FHAD1: variants seen among roughly 807,000 people sequenced by gnomAD.
FHAD1 encodes the protein forkhead-associated domain-containing protein 1.
In FHAD1, 146 loss-of-function variants were observed where a neutral mutation model predicts 191.3. That is an observed-to-expected ratio of 0.76 (90% CI 0.67 to 0.88). The LOEUF is 0.88. Among genes scored for constraint, FHAD1 ranks in the 40% least tolerant of loss-of-function variants. FHAD1 has a pLI of 0.00. For synonymous variants in FHAD1, 616 were observed against 672.3 expected (o/e 0.92, Z 1.29); for missense variants, 1,635 against 1,785.8 (o/e 0.92, Z 1.52).
At chr1:15,383,580 G>A (rs993261841) in intron 31 of FHAD1, 4 of 319,686 alleles carry the variant, frequency 1.3e-5, no homozygotes, top group African/African-American at 8.6e-5. Flanking sequence ...CAAGGCACTG[G>A]AACAGTGACC....
intron 33 of FHAD1, among the ~76,000 whole-genome samples, chr1:15,396,420 G>A (rs1028398996): frequency 2.0e-5 from 3 of 152,052 alleles, no homozygotes; most frequent in Admixed American, 6.6e-5. Context: ...TTTGAGTAAC[G>A]TGATAATGAT....
intron 2 of FHAD1, among the ~76,000 whole-genome samples, chr1:15,268,241 C>T (rs1335573364): frequency 4.8e-5 from 7 of 146,658 alleles, no homozygotes; most frequent in South Asian, 2.2e-4. Context: ...TGAGAATATA[C>T]GGTGTTTGGT....
Position 15,349,060 on chromosome 1 carries a change from G to C in FHAD1, c.2365G>C (p.Ala789Pro). ...TTTTCAGGTTTTGGAGAGCAGCATA[G>C]CCCATGAAAAAAGAAAAGCAAAGGA... ...RQKEVLESSI[A>P]HEKRKAKEAL... The change falls in exon 19 of 34, where the codon GCC (alanine) becomes CCC (proline). Residue 789 changes from alanine to proline, a missense_variant. Physicochemically the swap from Ala to Pro is conservative, Grantham distance 27. Coordinates refer to ENST00000688493, the MANE Select transcript of FHAD1 (RefSeq NM_001391957.1). 6.4e-7 allele frequency: 1 copy of C among 1,551,286 alleles called. No homozygotes were observed. Among genetic ancestry groups the C allele is most frequent in the Non-Finnish European group, 8.7e-7 (1 of 1,146,852 alleles).
chr1:15,292,090 C>T (rs1017208393), intron 4 of FHAD1, among the ~76,000 whole-genome samples: 1 of 152,192 alleles, frequency 6.6e-6, no homozygotes, highest in Admixed American at 6.5e-5. Flanking sequence ...TCCCCAGTAC[C>T]ACAGAACCTA....
chr1:15,313,008 CAG>C, intron 7 of FHAD1, 47 bp from the exon 8 acceptor site: 1 of 1,545,710 alleles, frequency 6.5e-7, no homozygotes, highest in Non-Finnish European at 8.7e-7. Context: ...GCAGCGATGA[CAG>C]TCATCCTCAC....
rs35058576 is a variant in FHAD1, at chr1:15,238,250, GAAAAAA to G, written c.-15+1503_-15+1508del. On this transcript the variant is annotated intron_variant, in intron 1 of 33. Transcript: ENST00000683790. Reference sequence around the variant, plus strand: ...CAATAGAGTGAGACTCCATCTCAAGGAAAAAAAAAAAAAAAAAAAGGAGCACTGTTG... The same window carrying G: ...CAATAGAGTGAGACTCCATCTCAAGGAAAAAAAAAAAAAGGAGCACTGTTG... Among the ~76,000 whole-genome samples the G allele has an allele frequency of 2.3e-4, 22 of 96,904 alleles. 1 individual carries two copies. The Admixed American group carries it at 2.7e-3, about 12-fold the overall frequency. 63.6% of individuals were successfully genotyped at this position (96,904 alleles called of 152,430 possible). A position where few individuals can be genotyped will look rare whatever the true frequency, so the allele number is the denominator to read the frequency against.
At chr1:15,287,706 G>C (rs367742035) in intron 3 of FHAD1, among the ~76,000 whole-genome samples, 3 of 152,132 alleles carry the variant, frequency 2.0e-5, no homozygotes, top group Non-Finnish European at 2.9e-5. Context: ...TCGGAGTTTG[G>C]TGCCAGATTT....
At chr1:15,264,578 G>A (rs1927184) in intron 2 of FHAD1, among the ~76,000 whole-genome samples, 65,514 of 149,832 alleles carry the variant, frequency 0.44, 15,195 homozygotes, top group East Asian at 0.69. Context: ...GTGTGTGTGT[G>A]ATCTTTAGGG....
intron 8 of FHAD1, chr1:15,314,624 TGA>T (rs1491312681): frequency 2.1e-5 from 3 of 140,312 alleles, no homozygotes; most frequent in African/African-American, 2.7e-5. Flanking sequence ...GGTGTGGGTG[TGA>T]GGATGTATGT....
chr1:15,363,607 G>A (rs1695498885), intron 23 of FHAD1: 8 of 358,734 alleles, frequency 2.2e-5, no homozygotes, highest in Admixed American at 2.2e-4. Context: ...ACTCACAGGT[G>A]TTATTAAGCA....
At chr1:15,323,986 C>A (rs1024344588) in intron 10 of FHAD1, among the ~76,000 whole-genome samples, 1 of 152,184 alleles carries the variant, frequency 6.6e-6, no homozygotes, top group African/African-American at 2.4e-5. Context: ...GTTAGGATGA[C>A]TCTGTATAGT....
At position 15,397,338 on chromosome 1, in the gene FHAD1, A is replaced by T. The variant is rs575290099; in HGVS notation, c.4365A>T (p.Arg1455Ser). The part of the protein sequence containing the change: ...RKASLKMDQE[R>S]EMLRKETSSK... ...CCTCCCTAAAGATGGACCAAGAAAG[A>T]GAGATGCTGAGGAAAGAGACCTCCA... Residue 1455 changes from arginine (R) to serine (S), a missense_variant, in exon 34 of 34, where the codon AGA becomes AGT. Coordinates refer to ENST00000688493, the MANE Select transcript of FHAD1 (RefSeq NM_001391957.1). The T allele has an allele frequency of 5.8e-6, 9 of 1,545,538 alleles. No homozygotes were observed. In the East Asian group the frequency reaches 2.0e-4, roughly 34 times the overall value.
Position 15,382,167 on chromosome 1 carries a change from A to C in FHAD1, c.4162A>C (p.Ile1388Leu). ...GCACCAGCTGTGCCAGGAGAAGAGGATCAACAGGGCCATCCGGCAGCAGAA... is the reference window on the plus strand; with the variant it reads ...GCACCAGCTGTGCCAGGAGAAGAGGCTCAACAGGGCCATCCGGCAGCAGAA... ...MEHQLCQEKR[I>L]NRAIRQQKES... The change falls in exon 31 of 34, where the codon ATC becomes CTC. Residue 1388 changes from isoleucine (I) to leucine (L), a missense_variant. Physicochemically the swap from Ile to Leu is conservative, Grantham distance 5. Coordinates refer to ENST00000688493, the MANE Select transcript of FHAD1 (RefSeq NM_001391957.1). The C allele has an allele frequency of 6.4e-7, 1 of 1,551,718 alleles. No homozygotes were observed. The highest frequency in any genetic ancestry group is 8.7e-7 in the Non-Finnish European group (1 of 1,147,064).
intron 2 of FHAD1, among the ~76,000 whole-genome samples, chr1:15,258,051 A>C (rs1448095752): frequency 2.0e-5 from 3 of 152,156 alleles, no homozygotes; most frequent in Non-Finnish European, 4.4e-5. Flanking sequence ...CACATTGGCC[A>C]GGCTGGTCTC....
intron 32 of FHAD1, among the ~76,000 whole-genome samples, chr1:15,388,792 C>T (rs1472015072): frequency 6.6e-6 from 1 of 152,134 alleles, no homozygotes; most frequent in East Asian, 1.9e-4. Context: ...AGAACAAAGA[C>T]CTTGCTGGAC....
chr1:15,378,370 T>G (rs1240040489), intron 28 of FHAD1, among the ~76,000 whole-genome samples: 1 of 152,202 alleles, frequency 6.6e-6, no homozygotes, highest in African/African-American at 2.4e-5. Flanking sequence ...AGATAATGAA[T>G]GACAGAGCCA....
intron 2 of FHAD1, among the ~76,000 whole-genome samples, chr1:15,262,348 C>A (rs910067799): frequency 6.6e-6 from 1 of 152,184 alleles, no homozygotes; most frequent in African/African-American, 2.4e-5. Flanking sequence ...TCACCACAAA[C>A]CCATAAGGGC....
At chr1:15,315,764 G>A (rs950230824) in intron 8 of FHAD1, among the ~76,000 whole-genome samples, 5 of 152,190 alleles carry the variant, frequency 3.3e-5, no homozygotes, top group Admixed American at 6.5e-5. Context: ...GGGATTACAG[G>A]TGCAAGCCAC....
rs1253748986 is a variant in FHAD1 at position 15,289,401 on chromosome 1, C to T, written c.303C>T (p.Val101=). ...CTGACCCTTGTCTGCCCCTGCAGGT[C>T]TCTTTCCCATGGATGAGGGGCCCAG... ...YELVIENPPP[V]SFPWMRGPAP... Residue 101 remains valine, a splice_region_variant and synonymous_variant, in exon 4 of 34, where the codon GTC becomes GTT. Coordinates refer to ENST00000688493, the MANE Select transcript of FHAD1 (RefSeq NM_001391957.1). The surrounding 1 kb of genome is among the most constrained non-coding windows in gnomAD (Gnocchi z 4.2). 1.3e-6 allele frequency: 2 copies of T among 1,551,370 alleles called. No homozygotes were observed. The highest frequency in any genetic ancestry group is 1.7e-6 in the Non-Finnish European group (2 of 1,146,912).
Sources: allele counts gnomAD v4.1 joint callset (sites outside exome capture counted in the v4.1 genomes callset), GRCh38; gene constraint gnomAD v4.1.1; non-coding constraint Gnocchi (gnomAD v3.1); transcripts MANE v1.5; gene names NCBI Gene and HGNC (gene_info 2026-07-23, HGNC 2026-07-21).